The following SPATA21 variants were observed in gnomAD, a reference collection of about 807,000 sequenced individuals.
SPATA21 encodes spermatogenesis-associated protein 21.
A neutral mutation model predicts 54.8 loss-of-function variants in SPATA21; 47 were observed. The observed-to-expected ratio is 0.86, with a 90% CI of 0.68 to 1.09. The LOEUF is 1.09. Among genes scored for constraint, SPATA21 ranks in the 50% least tolerant of loss-of-function variants. The probability of loss-of-function intolerance (pLI) is 0.00; values close to 1 mark genes in which losing one functional copy is unlikely to be tolerated. For synonymous variants in SPATA21, 245 were observed against 235.3 expected (o/e 1.04, Z -0.38); for missense variants, 599 against 596.4 (o/e 1.00, Z -0.05).
chr1:16,406,280 C>T (rs1370427053), intron 7 of SPATA21, among the ~76,000 whole-genome samples: 6 of 152,280 alleles, frequency 3.9e-5, no homozygotes, highest in South Asian at 2.1e-4. Context: ...CCGCTGCGCC[C>T]GGCCTGGCTC....
intron 8 of SPATA21, 141 bp from the exon 9 acceptor site, chr1:16,404,180 C>A: frequency 1.4e-6 from 1 of 712,672 alleles, no homozygotes; most frequent in Admixed American, 2.4e-5. Context: ...ATGGGGCACA[C>A]AGGAAAGTAC....
chr1:16,431,278 C>T (rs1169831636), intron 3 of SPATA21, 60 bp downstream of exon 3: 1 of 1,614,010 alleles, frequency 6.2e-7, no homozygotes, highest in Admixed American at 1.7e-5. Flanking sequence ...TCAACACCAG[C>T]CCTCTTTATG....
intron 3 of SPATA21, among the ~76,000 whole-genome samples, chr1:16,424,058 G>A (rs1399967873): frequency 1.3e-5 from 2 of 151,066 alleles, no homozygotes; most frequent in African/African-American, 4.9e-5. Flanking sequence ...TTGTGGGGAT[G>A]GTTTTGTGGG....
rs1004721700 is a variant in SPATA21, at chr1:16,409,457, C to T, written c.587+144G>A. 24 of 938,114 alleles carry T rather than the reference C, an allele frequency of 2.6e-5. No individual in the cohort carries two copies. The highest frequency in any genetic ancestry group is 1.5e-4 in the African/African-American group (9 of 60,668). 58.1% of individuals were successfully genotyped at this position (938,114 alleles called of 1,614,324 possible). On this transcript the variant is annotated intron_variant, in intron 6 of 12. Coordinates refer to ENST00000335496, the MANE Select transcript of SPATA21 (RefSeq NM_198546.1). The surrounding 1 kb of genome is among the most constrained non-coding windows in gnomAD (Gnocchi z 4.1). ...AGAGGAGGCAGAGACATGGGAGATG[C>T]GGAGAGGAGACACATGAGGAGAAAT...
intron 7 of SPATA21, among the ~76,000 whole-genome samples, chr1:16,407,241 C>T (rs551908674): frequency 2.6e-5 from 4 of 152,156 alleles, no homozygotes; most frequent in Non-Finnish European, 4.4e-5. Flanking sequence ...ACCAGAGCAA[C>T]TCTCAGAAGC....
Position 16,403,720 on chromosome 1 carries a change from CA to C in SPATA21, c.1001+6del. ...ACCCTTCACCCCCAACAACCGGCCC[CA>C]CTCACTTTGTGATTTCCTCTAAGAC... On this transcript the variant is annotated splice_donor_region_variant and intron_variant, in intron 10 of 12. Transcript: ENST00000335496. 6.2e-7 allele frequency: 1 copy of C among 1,610,900 alleles called. No individual in the cohort carries two copies. The highest frequency in any genetic ancestry group is 8.5e-7 in the Non-Finnish European group (1 of 1,177,174).
At chr1:16,400,395 C>CT in intron 11 of SPATA21, 1 of 1,013,370 alleles carries the variant, frequency 9.9e-7, no homozygotes, top group Non-Finnish European at 1.2e-6. Context: ...TGCAAAGGGC[C>CT]TAGCACAGTG....
intron 5 of SPATA21, among the ~76,000 whole-genome samples, chr1:16,417,405 C>A (rs1172150970): frequency 6.6e-6 from 1 of 151,448 alleles, no homozygotes; most frequent in Non-Finnish European, 1.5e-5. Context: ...ACTACAGGTG[C>A]CTGCCACCAT....
intron 10 of SPATA21, among the ~76,000 whole-genome samples, chr1:16,402,245 CATTCTTTTTTT>C (rs2085469778): frequency 8.9e-6 from 1 of 112,930 alleles, no homozygotes; most frequent in Admixed American, 1.1e-4. Context: ...TCTGAGCTGC[CATTCTTTTTTT>C]TTTTTTTTTT....
chr1:16,409,753 T>C lies in SPATA21; in HGVS notation c.435A>G (p.Pro145=), dbSNP rs2085773952. The stretch of plus-strand genomic sequence containing the variant: ...TGGGGGCAGGTTCTGGCCCAGGAGC[T>C]GGCAGCCGGGCCCACGATGGGCCGC... ...PASGPSWARL[P]APGPEPAPMG... Residue 145 remains proline, a synonymous_variant, in exon 6 of 13, where the codon CCA becomes CCG. Coordinates refer to ENST00000335496, the MANE Select transcript of SPATA21 (RefSeq NM_198546.1). This position sits in a 1 kb window ranked among gnomAD's most constrained non-coding sequence, Gnocchi z 4.1. 1 of 1,608,224 alleles carries C rather than the reference T, an allele frequency of 6.2e-7. No individual in the cohort carries two copies. The highest frequency in any genetic ancestry group is 8.5e-7 in the Non-Finnish European group (1 of 1,177,678).
chr1:16,401,020 T>G lies in SPATA21; in HGVS notation c.1002-128A>C, dbSNP rs962503656. ...CCTAGGAGTCAGGAAACCTGGCTTC[T>G]AGTCTCAGCTCAGCCCTTTCTGTGA... On this transcript the variant is annotated intron_variant, in intron 10 of 12. Coordinates refer to ENST00000335496, the MANE Select transcript of SPATA21 (RefSeq NM_198546.1). 5.6e-5 allele frequency: 62 copies of G among 1,112,448 alleles called. No homozygotes were observed. In the Middle Eastern group the frequency reaches 9.2e-4, roughly 17 times the overall value. The allele number at this position is 1,112,448 out of a possible 1,614,324, so 68.9% of individuals were successfully genotyped here.
At chr1:16,400,684 A>G in intron 11 of SPATA21, 36 bp downstream of exon 11, 1 of 1,577,420 alleles carries the variant, frequency 6.3e-7, no homozygotes. Context: ...GCAAAGCCCC[A>G]ACCCTAGCCC....
downstream of SPATA21, chr1:16,398,566 T>G: frequency 6.5e-6 from 4 of 613,856 alleles, no homozygotes; most frequent in Non-Finnish European, 1.1e-5. Context: ...GGCTTTGAGG[T>G]GGAACCCTGC....
intron 3 of SPATA21, chr1:16,425,530 G>A (rs1159768685): frequency 8.4e-6 from 13 of 1,548,608 alleles, no homozygotes; most frequent in Non-Finnish European, 1.1e-5. Flanking sequence ...TTACCTGGCA[G>A]CTCTCAGGAG....
At chr1:16,423,208 T>C (rs2086219922) in intron 3 of SPATA21, among the ~76,000 whole-genome samples, 1 of 138,392 alleles carries the variant, frequency 7.2e-6, no homozygotes, top group Admixed American at 7.8e-5. Flanking sequence ...AGATTAGGAG[T>C]TCAGGACCAG....
intron 7 of SPATA21, among the ~76,000 whole-genome samples, 166 bp downstream of exon 7, chr1:16,408,952 C>T (rs976265022): frequency 2.6e-5 from 4 of 151,916 alleles, no homozygotes; most frequent in Non-Finnish European, 5.9e-5. Flanking sequence ...CAATCCCCTA[C>T]CCTGCCCTGC....
chr1:16,416,774 C>T (rs2086020095), intron 5 of SPATA21, among the ~76,000 whole-genome samples: 1 of 152,102 alleles, frequency 6.6e-6, no homozygotes, highest in Admixed American at 6.5e-5. Context: ...CTCCCCTGAG[C>T]CCCAGAAATA....
chr1:16,430,323 C>G (rs188510944), intron 3 of SPATA21, among the ~76,000 whole-genome samples: 7,215 of 152,028 alleles, frequency 0.047, 252 homozygotes, highest in Non-Finnish European at 0.072. Flanking sequence ...GTTCCAGCTA[C>G]TCAGGAGGCT....
rs932609128 is a variant in SPATA21, at chr1:16,418,256, TTC to T, written c.144+3251_144+3252del. 2.6e-5 allele frequency among the ~76,000 whole-genome samples: 4 copies of T among 152,134 alleles called. No homozygotes were observed. The East Asian group carries it at 7.7e-4, about 29-fold the overall frequency. ...CACACAGGCAAGGAATAGTTCTTAT[TTC>T]TCTCTCTCTTTTTTTTATTTTTATT... On this transcript the variant is annotated intron_variant, in intron 5 of 12. Transcript: ENST00000335496.
Sources: gnomAD v4.1 joint callset for allele counts (sites outside exome capture counted in the v4.1 genomes callset) on GRCh38, gnomAD v4.1.1 for gene constraint, Gnocchi (gnomAD v3.1) non-coding constraint, MANE v1.5 for transcripts, NCBI Gene and HGNC (gene_info 2026-07-23, HGNC 2026-07-21) for gene names.